The following TBC1D22B variants were observed in gnomAD, a reference collection of about 807,000 sequenced individuals.
TBC1D22B encodes TBC1 domain family member 22B, also known as chromosome 6 open reading frame 197.
TBC1D22B carries 32 observed loss-of-function variants against 69.1 expected under a neutral mutation model. The observed-to-expected ratio is 0.46, with a 90% CI of 0.35 to 0.62. The LOEUF (loss-of-function observed/expected upper bound fraction) is 0.62. Among genes scored for constraint, TBC1D22B ranks in the 20% least tolerant of loss-of-function variants. TBC1D22B has a pLI of 0.00. For synonymous variants in TBC1D22B, 206 were observed against 229.8 expected, an observed-to-expected ratio of 0.90 and a Z score of 0.94; for missense variants, 462 against 630.9, an observed-to-expected ratio of 0.73 and a Z score of 2.87.
In TBC1D22B at chr6:37,282,177, G is replaced by T. The variant is rs976575150; in HGVS notation, c.422-8G>T. On this transcript the variant is annotated splice_region_variant and splice_polypyrimidine_tract_variant and intron_variant, in intron 3 of 12. Coordinates refer to ENST00000373491, the MANE Select transcript of TBC1D22B (RefSeq NM_017772.4). ...AGCCCGTTCTCTTTCTTTTTCAAAT[G>T]ATCTCAGGTGATACATGCCTGAGGA... 4 of 1,613,664 alleles carry T rather than the reference G, an allele frequency of 2.5e-6. No individual in the cohort carries two copies. Among genetic ancestry groups the T allele is most frequent in the Middle Eastern group, 1.6e-4 (1 of 6,084 alleles).
At chr6:37,318,638 G>A (rs1310930817) in intron 12 of TBC1D22B, among the ~76,000 whole-genome samples, 1 of 152,178 alleles carries the variant, frequency 6.6e-6, no homozygotes, top group Non-Finnish European at 1.5e-5. Context: ...TACATGAAGA[G>A]GTCAGGGAGC....
chr6:37,295,637 C>A, intron 8 of TBC1D22B: 1 of 435,554 alleles, frequency 2.3e-6, no homozygotes, highest in African/African-American at 2.1e-5. Flanking sequence ...ATCAATGGCA[C>A]TGTCATCAAG....
chr6:37,323,740 G>A (rs195425), intron 12 of TBC1D22B, among the ~76,000 whole-genome samples: 131,860 of 152,330 alleles, frequency 0.87, 57,113 homozygotes, highest in Middle Eastern at 0.92. Context: ...GAACATTGCC[G>A]AATGGAGGCC....
At chr6:37,262,016 G>A (rs1347370281) in intron 1 of TBC1D22B, among the ~76,000 whole-genome samples, 1 of 84,638 alleles carries the variant, frequency 1.2e-5, no homozygotes, top group East Asian at 3.3e-4. Flanking sequence ...GGGCACAGGA[G>A]AAAAAAAAAA....
chr6:37,262,116 T>C (rs1244435156), intron 1 of TBC1D22B, among the ~76,000 whole-genome samples: 1 of 149,516 alleles, frequency 6.7e-6, no homozygotes, highest in East Asian at 2.0e-4. Context: ...CTGCAGCCTC[T>C]ACCTCCCAGG....
At chr6:37,267,461 CAT>C (rs1239580541) in intron 1 of TBC1D22B, among the ~76,000 whole-genome samples, 204 of 132,018 alleles carry the variant, frequency 1.5e-3, no homozygotes, top group Admixed American at 2.2e-3. Flanking sequence ...TATATATACA[CAT>C]ATATATAATA....
intron 8 of TBC1D22B, among the ~76,000 whole-genome samples, chr6:37,297,748 A>G (rs1767428767): frequency 6.6e-6 from 1 of 152,240 alleles, no homozygotes; most frequent in Admixed American, 6.5e-5. Flanking sequence ...ATGCACATGT[A>G]TGTTTATTGC....
chr6:37,307,332 T>C (rs958406580), intron 8 of TBC1D22B, among the ~76,000 whole-genome samples: 3 of 152,114 alleles, frequency 2.0e-5, no homozygotes, highest in African/African-American at 7.2e-5. Flanking sequence ...ACTTTTGTTA[T>C]GAGAAATTTT....
At chr6:37,324,620 C>T (rs1235785072) in intron 12 of TBC1D22B, among the ~76,000 whole-genome samples, 1 of 151,848 alleles carries the variant, frequency 6.6e-6, no homozygotes, top group East Asian at 1.9e-4. Flanking sequence ...ACTATGAGTC[C>T]AAGGACTTAA....
At chr6:37,263,108 A>T (rs566181369) in intron 1 of TBC1D22B, among the ~76,000 whole-genome samples, 19 of 152,334 alleles carry the variant, frequency 1.2e-4, no homozygotes, top group Admixed American at 3.3e-4. Flanking sequence ...TCTAATCTTC[A>T]CTTACTAAAT....
chr6:37,269,555 A>AGTTTC, intron 1 of TBC1D22B, 39 bp from the exon 2 acceptor site: 1 of 1,609,142 alleles, frequency 6.2e-7, no homozygotes, highest in Non-Finnish European at 8.5e-7. Context: ...TAGTTTCCTA[A>AGTTTC]CTAAACTAAC....
At chr6:37,283,638 A>G (rs903308825) in intron 5 of TBC1D22B, among the ~76,000 whole-genome samples, 1 of 152,208 alleles carries the variant, frequency 6.6e-6, no homozygotes, top group South Asian at 2.1e-4. Flanking sequence ...CAACCATGCA[A>G]TCATTGCCTC....
intron 12 of TBC1D22B, among the ~76,000 whole-genome samples, chr6:37,320,409 A>G (rs1431263596): frequency 2.0e-5 from 3 of 152,220 alleles, no homozygotes; most frequent in Non-Finnish European, 4.4e-5. Flanking sequence ...AAAGAAACAA[A>G]TACATGTGAG....
chr6:37,264,926 C>T (rs1766224006), intron 1 of TBC1D22B, among the ~76,000 whole-genome samples: 1 of 152,184 alleles, frequency 6.6e-6, no homozygotes, highest in South Asian at 2.1e-4. Flanking sequence ...ATGGTACAGA[C>T]AGTGAAAGGT....
intron 12 of TBC1D22B, among the ~76,000 whole-genome samples, chr6:37,317,949 T>G (rs899358334): frequency 4.0e-5 from 6 of 151,814 alleles, no homozygotes; most frequent in African/African-American, 1.5e-4. Context: ...TAGGAAGAGG[T>G]GAGGTCAGAG....
chr6:37,257,797 C>G lies in TBC1D22B; in HGVS notation c.-121C>G. 3 of 1,092,118 alleles carry G rather than the reference C, an allele frequency of 2.7e-6. No homozygotes were observed. The highest frequency in any genetic ancestry group is 2.2e-5 in the Admixed American group (1 of 44,546). The allele number at this position is 1,092,118 out of a possible 1,614,324, so 67.7% of individuals were successfully genotyped here. ...ACATCCAAGATGGCGTCCCCAGGAG[C>G]TGGGAGCGGGTGACCGGCGGCGGGG... On this transcript the variant is annotated 5_prime_UTR_variant, in exon 1 of 13. Transcript: ENST00000373491.
intron 6 of TBC1D22B, among the ~76,000 whole-genome samples, chr6:37,286,605 G>A (rs1374488506): frequency 6.8e-6 from 1 of 147,918 alleles, no homozygotes; most frequent in Admixed American, 6.8e-5. Flanking sequence ...GTGAGCCACC[G>A]CACCCAGCCA....
At chr6:37,318,649 A>G (rs573600627) in intron 12 of TBC1D22B, among the ~76,000 whole-genome samples, 1 of 152,288 alleles carries the variant, frequency 6.6e-6, no homozygotes, top group South Asian at 2.1e-4. Flanking sequence ...GTCAGGGAGC[A>G]GAGGTGGCTG....
intron 8 of TBC1D22B, among the ~76,000 whole-genome samples, chr6:37,293,803 C>T (rs1767268801): frequency 6.6e-6 from 1 of 152,210 alleles, no homozygotes; most frequent in African/African-American, 2.4e-5. Context: ...ATTAAAAGTG[C>T]TACTCCAGTG....
Sources: gnomAD v4.1 joint callset for allele counts (sites outside exome capture counted in the v4.1 genomes callset) on GRCh38, gnomAD v4.1.1 for gene constraint, MANE v1.5 for transcripts, NCBI Gene and HGNC (gene_info 2026-07-23, HGNC 2026-07-21) for gene names.